The following PKN3 variants were observed in gnomAD, a reference collection of about 807,000 sequenced individuals.
The protein encoded by PKN3 is protein kinase N3.
Under a neutral mutation model 113.1 loss-of-function variants are expected in PKN3, and 91 were observed. The ratio of observed to expected loss-of-function variants is 0.80; its 90% CI spans 0.68 to 0.96. The LOEUF (loss-of-function observed/expected upper bound fraction) is 0.96. Among genes scored for constraint, PKN3 ranks in the 40% least tolerant of loss-of-function variants. The probability of loss-of-function intolerance (pLI) is 0.00; values close to 1 mark genes in which losing one functional copy is unlikely to be tolerated. For missense variants in PKN3, 1,052 were observed against 1,202.2 expected (o/e 0.88, Z 1.85); for synonymous variants, 467 against 499.0 (o/e 0.94, Z 0.85).
chr9:128,713,107 G>A lies in PKN3; in HGVS notation c.891G>A (p.Gly297=). Residue 297 remains glycine (G), a synonymous_variant, in exon 7 of 22, where the codon GGG becomes GGA. Coordinates refer to ENST00000291906, the MANE Select transcript of PKN3 (RefSeq NM_013355.5). ...AACAGTTGCTGACAGCCGTGCCTGGGCGCTCCCCAGCGGCCGCACTGGCCA... is the reference window on the plus strand; with the variant it reads ...AACAGTTGCTGACAGCCGTGCCTGGACGCTCCCCAGCGGCCGCACTGGCCA... ...GCEQLLTAVP[G]RSPAAALASS... The A allele has an allele frequency of 6.2e-7, 1 of 1,612,062 alleles. No individual in the cohort carries two copies. The highest frequency in any genetic ancestry group is 8.5e-7 in the Non-Finnish European group (1 of 1,179,270).
At chr9:128,718,222 C>A in intron 16 of PKN3, 103 bp from the exon 17 acceptor site, 1 of 849,358 alleles carries the variant, frequency 1.2e-6, no homozygotes. Flanking sequence ...TGACTCTGGC[C>A]GGGACATCCG....
In PKN3 at chr9:128,717,117, C is replaced by CTTTCTTTTTTTTTTTTTTTTTTTTTTTT. The variant is rs1758875729; in HGVS notation, c.1985+197_1985+198insCTTTTTTTTTTTTTTTTTTTTTTTTTTT. Among the ~76,000 whole-genome samples, 2 of 24,364 alleles carry CTTTCTTTTTTTTTTTTTTTTTTTTTTTT rather than the reference C, an allele frequency of 8.2e-5. 1 individual carries two copies. Among genetic ancestry groups the CTTTCTTTTTTTTTTTTTTTTTTTTTTTT allele is most frequent in the Non-Finnish European group, 1.6e-4 (2 of 12,364 alleles). 16.0% of individuals were successfully genotyped at this position (24,364 alleles called of 152,430 possible). ...GCTTATGAAGCTGTGCATTAGGTTT[C>CTTTCTTTTTTTTTTTTTTTTTTTTTTTT]TTTTTTTTTTTTTTTTTTTTTTTTT... On this transcript the variant is annotated intron_variant, in intron 16 of 21. Transcript: ENST00000291906.
At chr9:128,714,887 C>A in intron 13 of PKN3, 22 bp downstream of exon 13, 1 of 1,607,018 alleles carries the variant, frequency 6.2e-7, no homozygotes, top group African/African-American at 1.3e-5. Context: ...TGCGCACCTT[C>A]ATGTTTGAGA....
chr9:128,714,299 G>GC lies in PKN3; in HGVS notation c.1421dup (p.Lys475Ter). On this transcript the variant is annotated frameshift_variant, in exon 11 of 22. Transcript: ENST00000291906. LOFTEE classifies it high-confidence loss of function. ...CCCTGCAGCTCCCCGAGCACAATCA[G>GC]CCCCCCTAAAGGATGCCCTCGGACC... The GC allele has an allele frequency of 1.2e-6, 2 of 1,613,422 alleles. No individual in the cohort carries two copies. Among genetic ancestry groups the GC allele is most frequent in the Non-Finnish European group, 8.5e-7 (1 of 1,179,672 alleles).
chr9:128,706,182 C>T (rs1235953648), intron 3 of PKN3, among the ~76,000 whole-genome samples: 6 of 152,350 alleles, frequency 3.9e-5, no homozygotes, highest in South Asian at 4.1e-4. Context: ...GATATGATGA[C>T]GGAGGCAGGA....
intron 16 of PKN3, among the ~76,000 whole-genome samples, chr9:128,717,823 T>C (rs1212847910): frequency 3.2e-5 from 4 of 126,038 alleles, no homozygotes; most frequent in Non-Finnish European, 6.4e-5. Context: ...ATCAAGACCA[T>C]CCTGGCCAAC....
intron 6 of PKN3, among the ~76,000 whole-genome samples, chr9:128,712,410 C>G (rs930776652): frequency 1.3e-5 from 2 of 152,222 alleles, no homozygotes; most frequent in African/African-American, 4.8e-5. Flanking sequence ...CATGAACTTA[C>G]TCCGTTGACA....
chr9:128,714,765 C>T (rs1862290012), intron 12 of PKN3, 33 bp from the exon 13 acceptor site: 1 of 1,600,982 alleles, frequency 6.2e-7, no homozygotes, highest in African/African-American at 1.3e-5. Context: ...AGAAGGAAGC[C>T]CAGCCCTGCC....
Position 128,707,213 on chromosome 9 carries a change from C to G in PKN3, c.652-9C>G. ...CCACGAACCTGGCTCTACGTTGTCC[C>G]CTCTGCAGGCCCAGGCCCAGCTACA... On this transcript the variant is annotated splice_polypyrimidine_tract_variant and intron_variant, in intron 5 of 21. Transcript: ENST00000291906. 1 of 1,598,698 alleles carries G rather than the reference C, an allele frequency of 6.3e-7. No individual in the cohort carries two copies. The highest frequency in any genetic ancestry group is 8.6e-7 in the Non-Finnish European group (1 of 1,169,156).
In PKN3 at chr9:128,716,789, A is replaced by G. The variant is rs765118843; in HGVS notation, c.1851A>G (p.Thr617=). Residue 617 remains threonine (T), a synonymous_variant, in exon 16 of 22, where the codon ACA becomes ACG. Coordinates refer to ENST00000291906, the MANE Select transcript of PKN3 (RefSeq NM_013355.5). ...GGATCCTGGAGGCTGTGGGCTGCAC[A>G]GGGCACCCTTTCCTGCTCTCCCTCC... is the stretch of plus-strand genomic sequence containing the variant. ...EKRILEAVGC[T]GHPFLLSLLA... is the part of the protein sequence containing the mutation. The G allele has an allele frequency of 1.2e-6, 2 of 1,614,010 alleles. No homozygotes were observed. The highest frequency in any genetic ancestry group is 2.2e-5 in the East Asian group (1 of 44,872).
In PKN3 at chr9:128,720,131, T is replaced by G. The variant is rs1862487632; in HGVS notation, c.2377-72T>G. 1.3e-6 allele frequency: 2 copies of G among 1,551,510 alleles called. No homozygotes were observed. Among genetic ancestry groups the G allele is most frequent in the African/African-American group, 2.7e-5 (2 of 74,052 alleles). The stretch of plus-strand genomic sequence containing the variant: ...ATCCTTAGAGCGCTCTGGGCCAGCG[T>G]GCTTGGGGCCTGTGGATGATGGCAG... On this transcript the variant is annotated intron_variant, in intron 20 of 21. Transcript: ENST00000291906. This position sits in a 1 kb window ranked among gnomAD's most constrained non-coding sequence, Gnocchi z 5.5.
intron 1 of PKN3, among the ~76,000 whole-genome samples, chr9:128,704,866 C>T (rs1861959859): frequency 6.7e-6 from 1 of 149,790 alleles, no homozygotes; most frequent in Admixed American, 6.7e-5. Flanking sequence ...TGTGGTGAAC[C>T]GAGATCGTGC....
chr9:128,716,697 A>G (rs2132325105), intron 15 of PKN3, 50 bp from the exon 16 acceptor site: 1 of 1,521,482 alleles, frequency 6.6e-7, no homozygotes, highest in East Asian at 2.3e-5. Context: ...CACAGGGCAC[A>G]GCCCAGGGAA....
chr9:128,709,333 C>A (rs150007041), intron 6 of PKN3, among the ~76,000 whole-genome samples: 29 of 151,560 alleles, frequency 1.9e-4, no homozygotes, highest in African/African-American at 6.3e-4. Flanking sequence ...TGGTACGTAC[C>A]TGTAGTCCCA....
intron 6 of PKN3, among the ~76,000 whole-genome samples, chr9:128,710,976 CCTT>C (rs1441771308): frequency 6.6e-6 from 1 of 151,580 alleles, no homozygotes; most frequent in Admixed American, 6.6e-5. Flanking sequence ...CTTGAGTTGT[CCTT>C]TTTTTTTTTT....
chr9:128,712,670 C>T (rs1589484757), intron 6 of PKN3, among the ~76,000 whole-genome samples: 1 of 152,206 alleles, frequency 6.6e-6, no homozygotes, highest in South Asian at 2.1e-4. Context: ...CCCTGCCGCT[C>T]CAGCATGTGG....
At chr9:128,709,021 C>T (rs946718793) in intron 6 of PKN3, among the ~76,000 whole-genome samples, 1 of 152,024 alleles carries the variant, frequency 6.6e-6, no homozygotes, top group Non-Finnish European at 1.5e-5. Context: ...CGCGGTGGCT[C>T]ACGCCTGTAA....
At chr9:128,717,140 T>TTTTTTTTTTTTTTTTTTG (rs1862367537) in intron 16 of PKN3, among the ~76,000 whole-genome samples, 1 of 123,188 alleles carries the variant, frequency 8.1e-6, no homozygotes, top group Non-Finnish European at 1.7e-5. Flanking sequence ...TTTTTTTTTT[T>TTTTTTTTTTTTTTTTTTG]TTTGTGAGAC....
In PKN3 at chr9:128,714,137, G is replaced by T; in HGVS notation, c.1312+16G>T. ...AAACGCAGAGGTGTGGAGGGAATGGGGGCTATGTGTGAGGGAGCAGGGCTG... is the reference window on the plus strand; with the variant it reads ...AAACGCAGAGGTGTGGAGGGAATGGTGGCTATGTGTGAGGGAGCAGGGCTG... On this transcript the variant is annotated intron_variant, in intron 10 of 21. Transcript: ENST00000291906. 6.2e-7 allele frequency: 1 copy of T among 1,614,102 alleles called. No individual in the cohort carries two copies. The highest frequency in any genetic ancestry group is 8.5e-7 in the Non-Finnish European group (1 of 1,179,972).
Sources: allele counts gnomAD v4.1 joint callset (sites outside exome capture counted in the v4.1 genomes callset), GRCh38; gene constraint gnomAD v4.1.1; non-coding constraint Gnocchi (gnomAD v3.1); transcripts MANE v1.5; gene names NCBI Gene and HGNC (gene_info 2026-07-23, HGNC 2026-07-21).